The following SLC3A1 variants were observed in gnomAD, a reference collection of about 807,000 sequenced individuals.
The protein encoded by SLC3A1 is amino acid transporter heavy chain SLC3A1.
A neutral mutation model predicts 60.3 loss-of-function variants in SLC3A1; 78 were observed. That is an observed-to-expected ratio of 1.29 (90% CI 1.08 to 1.56). SLC3A1 has a LOEUF of 1.56. SLC3A1 is among the 40% of genes most tolerant of loss of function. SLC3A1 has a pLI of 0.00. For synonymous variants in SLC3A1, 392 were observed against 307.9 expected, an observed-to-expected ratio of 1.27 and a Z score of -2.86; for missense variants, 1,172 against 858.9, an observed-to-expected ratio of 1.36 and a Z score of -4.56.
chr2:44,314,318 G>A (rs542053041), intron 9 of SLC3A1: 2 of 499,276 alleles, frequency 4.0e-6, no homozygotes, highest in South Asian at 4.7e-5. Context: ...AGGCAGCCAT[G>A]CAGGCAGTAA....
chr2:44,321,163 G>T lies in SLC3A1; in HGVS notation c.*524G>T. 1 of 571,792 alleles carries T rather than the reference G, an allele frequency of 1.7e-6. No homozygotes were observed. Among genetic ancestry groups the T allele is most frequent in the Non-Finnish European group, 3.2e-6 (1 of 317,050 alleles). 35.4% of individuals were successfully genotyped at this position (571,792 alleles called of 1,614,324 possible). A position where few individuals can be genotyped will look rare whatever the true frequency, so the allele number is the denominator to read the frequency against. On this transcript the variant is annotated 3_prime_UTR_variant, in exon 10 of 10. Transcript: ENST00000260649. ...GAAAATTACTTTCCTAGGTTAATGG[G>T]CATGTGCATCAATGGAGAGAATAGT... is the stretch of plus-strand genomic sequence containing the variant.
In SLC3A1 at chr2:44,309,025, C is replaced by G. The variant is rs147547118; in HGVS notation, c.1333-3561C>G. Reference sequence around the variant, plus strand: ...GGGATTACAGGCGTGAGCTACTGTGCCTGGCCTTCTGAGGAATTTTTTGTT... The same window carrying G: ...GGGATTACAGGCGTGAGCTACTGTGGCTGGCCTTCTGAGGAATTTTTTGTT... On this transcript the variant is annotated intron_variant, in intron 7 of 9. Coordinates refer to ENST00000260649, the MANE Select transcript of SLC3A1 (RefSeq NM_000341.4). Among the ~76,000 whole-genome samples the G allele has an allele frequency of 1.1e-4, 17 of 152,192 alleles. No individual in the cohort carries two copies. The East Asian group carries it at 3.1e-3, about 28-fold the overall frequency.
At chr2:44,285,649 A>G in intron 3 of SLC3A1, 1 of 480,280 alleles carries the variant, frequency 2.1e-6, no homozygotes, top group Non-Finnish European at 4.3e-6. Flanking sequence ...GATGAGCGGA[A>G]TGTTTCTTTC....
chr2:44,301,671 A>C (rs945184665), intron 6 of SLC3A1, among the ~76,000 whole-genome samples: 3 of 147,926 alleles, frequency 2.0e-5, no homozygotes, highest in Admixed American at 6.9e-5. Context: ...CCCGGGAAGC[A>C]GAGGTTGCAG....
rs1225926574 is a variant in SLC3A1 at position 44,320,399 on chromosome 2, T to A, written c.1818T>A (p.Asn606Lys). 2 of 1,613,986 alleles carry A rather than the reference T, an allele frequency of 1.2e-6. No homozygotes were observed. Among genetic ancestry groups the A allele is most frequent in the Non-Finnish European group, 1.7e-6 (2 of 1,179,960 alleles). The change falls in exon 10 of 10, where the codon AAT (asparagine) becomes AAA (lysine). Residue 606 changes from asparagine (N) to lysine (K), a missense_variant. Asn to Lys is a moderately conservative substitution (Grantham distance 94, BLOSUM62 0). Coordinates refer to ENST00000260649, the MANE Select transcript of SLC3A1 (RefSeq NM_000341.4). ...ATTTTGGAGAATCAACACTGTTAAA[T>A]CTACATAATATGATTTCGGGCCTTC... ...VLNFGESTLLNLHNMISGLPA... is the reference protein window; with the variant it reads ...VLNFGESTLLKLHNMISGLPA...
intron 6 of SLC3A1, chr2:44,303,721 C>A: frequency 3.1e-6 from 1 of 317,862 alleles, no homozygotes; most frequent in African/African-American, 2.1e-5. Context: ...CTAATGCTAT[C>A]CTTCCCTTAG....
chr2:44,310,545 C>A (rs1453450433), intron 7 of SLC3A1, among the ~76,000 whole-genome samples: 1 of 152,092 alleles, frequency 6.6e-6, no homozygotes, highest in African/African-American at 2.4e-5. Flanking sequence ...TACCAATTTT[C>A]TTTGCTCCTT....
chr2:44,321,849 A>G, downstream of SLC3A1: 1 of 1,613,772 alleles, frequency 6.2e-7, no homozygotes, highest in South Asian at 1.1e-5. Context: ...ATCCTCAATT[A>G]CATGATTGCC....
chr2:44,302,263 C>G (rs1672031667), intron 6 of SLC3A1, among the ~76,000 whole-genome samples: 1 of 152,056 alleles, frequency 6.6e-6, no homozygotes, highest in Admixed American at 6.6e-5. Context: ...TCAGTTGTCT[C>G]ATCAATAAAA....
In SLC3A1 at chr2:44,313,293, C is replaced by T. The variant is rs532057115; in HGVS notation, c.1500+540C>T. 3.1e-3 allele frequency among the ~76,000 whole-genome samples: 473 copies of T among 152,200 alleles called. 1 individual carries two copies. The highest frequency in any genetic ancestry group is 0.011 in the African/African-American group (458 of 41,520). On this transcript the variant is annotated intron_variant, in intron 8 of 9. Transcript: ENST00000260649. ...TTTCAGAATTGTGTTGCTGGGTAGA[C>T]GACTATCTTGCAACTTTAATTGCCT...
chr2:44,276,781 C>T (rs1023780549), intron 1 of SLC3A1, among the ~76,000 whole-genome samples: 1 of 152,056 alleles, frequency 6.6e-6, no homozygotes, highest in African/African-American at 2.4e-5. Context: ...AACATCCTTA[C>T]AATATATTGC....
intron 6 of SLC3A1, chr2:44,301,385 T>C (rs1250764452): frequency 3.3e-6 from 2 of 604,600 alleles, no homozygotes; most frequent in African/African-American, 1.9e-5. Flanking sequence ...AAAATTAGGT[T>C]AATGAAAAAG....
chr2:44,312,003 A>C (rs143958787), intron 7 of SLC3A1, among the ~76,000 whole-genome samples: 5 of 152,322 alleles, frequency 3.3e-5, no homozygotes, highest in African/African-American at 1.2e-4. Context: ...GAGAGTTGTC[A>C]GGTGATTTAA....
rs1671481449 is a variant in SLC3A1 at position 44,280,873 on chromosome 2, G to A, written c.588G>A (p.Leu196=). 1 of 1,614,098 alleles carries A rather than the reference G, an allele frequency of 6.2e-7. No individual in the cohort carries two copies. Among genetic ancestry groups the A allele is most frequent in the South Asian group, 1.1e-5 (1 of 91,076 alleles). ...IFGTMEDFEN[L]VAAIHDKGLK... is the part of the protein sequence containing the mutation. ...GAACGATGGAAGATTTTGAGAATCT[G>A]GTTGCAGCCATACATGATAAAGGTA... is the stretch of plus-strand genomic sequence containing the variant. The change falls in exon 2 of 10, where the codon CTG becomes CTA. Residue 196 remains leucine (L), a synonymous_variant. Transcript: ENST00000260649.
At chr2:44,296,533 A>G (rs1671847487) in intron 4 of SLC3A1, among the ~76,000 whole-genome samples, 1 of 152,250 alleles carries the variant, frequency 6.6e-6, no homozygotes, top group Non-Finnish European at 1.5e-5. Flanking sequence ...ACCTGTGCCC[A>G]TGATAAGAGT....
intron 8 of SLC3A1, among the ~76,000 whole-genome samples, chr2:44,313,533 T>C (rs1484778908): frequency 2.0e-5 from 3 of 152,202 alleles, no homozygotes; most frequent in African/African-American, 7.2e-5. Flanking sequence ...AAACTGGCAA[T>C]AGCACATTTT....
At chr2:44,320,018 A>C (rs1672788732) in intron 9 of SLC3A1, 181 bp from the exon 10 acceptor site, 1 of 603,712 alleles carries the variant, frequency 1.7e-6, no homozygotes, top group African/African-American at 1.9e-5. Context: ...CGAATTTGTC[A>C]TTTCTATCAG....
chr2:44,303,928 G>C, intron 6 of SLC3A1: 1 of 631,292 alleles, frequency 1.6e-6, no homozygotes, highest in Non-Finnish European at 2.9e-6. Context: ...TTTTATGGCT[G>C]CATAGTATTC....
intron 6 of SLC3A1, among the ~76,000 whole-genome samples, chr2:44,303,607 T>G (rs532345412): frequency 1.9e-4 from 29 of 152,162 alleles, no homozygotes; most frequent in Admixed American, 2.0e-4. Flanking sequence ...ATACTTTTAG[T>G]TCTGGGGTAC....
Sources: allele counts gnomAD v4.1 joint callset (sites outside exome capture counted in the v4.1 genomes callset), GRCh38; gene constraint gnomAD v4.1.1; transcripts MANE v1.5; gene names NCBI Gene and HGNC (gene_info 2026-07-23, HGNC 2026-07-21).